ARID3A: variants seen among roughly 807,000 people sequenced by gnomAD.
ARID3A encodes the protein AT-rich interaction domain 3A.
ARID3A carries 11 observed loss-of-function variants against 52.7 expected under a neutral mutation model. The ratio of observed to expected loss-of-function variants is 0.21; its 90% CI spans 0.13 to 0.35. ARID3A has a LOEUF of 0.35. ARID3A is among the 10% of genes least tolerant of loss of function. The pLI is 1.00. For missense variants in ARID3A, 721 were observed against 838.5 expected, an observed-to-expected ratio of 0.86 and a Z score of 1.73; for synonymous variants, 404 against 359.4, an observed-to-expected ratio of 1.12 and a Z score of -1.40.
intron 3 of ARID3A, among the ~76,000 whole-genome samples, chr19:958,967 C>T (rs746961912): frequency 9.2e-5 from 14 of 152,206 alleles, no homozygotes; most frequent in Admixed American, 7.8e-4. Flanking sequence ...CTCATGCTCA[C>T]GTTGCCACTG....
intron 4 of ARID3A, among the ~76,000 whole-genome samples, chr19:961,322 G>C (rs936836732): frequency 5.3e-5 from 8 of 152,100 alleles, no homozygotes; most frequent in Non-Finnish European, 8.8e-5. Flanking sequence ...AGGGTTGTGG[G>C]CCCCCTGGCC....
intron 8 of ARID3A, among the ~76,000 whole-genome samples, chr19:969,410 G>A (rs778226556): frequency 7.3e-5 from 11 of 151,420 alleles, no homozygotes; most frequent in African/African-American, 2.2e-4. Context: ...GGTGGCAGGC[G>A]CCCATAGTCC....
rs995627264 is a variant in ARID3A, at chr19:966,694, G to A, written c.1321G>A (p.Ala441Thr). 1.9e-6 allele frequency: 3 copies of A among 1,611,272 alleles called. No homozygotes were observed. Among genetic ancestry groups the A allele is most frequent in the East Asian group, 4.5e-5 (2 of 44,812 alleles). Residue 441 changes from alanine (A) to threonine (T), a missense_variant, in exon 7 of 9, where the codon GCA becomes ACA. Ala to Thr is a moderately conservative substitution (Grantham distance 58). Transcript: ENST00000263620. ...QAAAAQAAVA[A>T]QAAALEQLRE... ...AGCAGCCGCCCAAGCAGCTGTGGCC[G>A]CACAGGCAGCTGCCCTGGAACAGCT...
chr19:951,906 C>T (rs1466660675), intron 3 of ARID3A, among the ~76,000 whole-genome samples: 1 of 151,464 alleles, frequency 6.6e-6, no homozygotes, highest in Non-Finnish European at 1.5e-5. Context: ...GAGGCAGAGG[C>T]GGGAGGATGG....
rs912566706 is a variant in ARID3A at position 941,747 on chromosome 19, G to A, written c.693+9005G>A. ...GATTACAGGCGTGAGCTGCTGTGCC[G>A]GACTGGTCTCTTGTGTTTTGTGTGG... On this transcript the variant is annotated intron_variant, in intron 3 of 8. Coordinates refer to ENST00000263620, the MANE Select transcript of ARID3A (RefSeq NM_005224.3). The surrounding 1 kb of genome is among the most constrained non-coding windows in gnomAD (Gnocchi z 6.9). Among the ~76,000 whole-genome samples, 11 of 151,848 alleles carry A rather than the reference G, an allele frequency of 7.2e-5. No individual in the cohort carries two copies. The highest frequency in any genetic ancestry group is 2.1e-4 in the South Asian group (1 of 4,814).
At position 966,624 on chromosome 19, in the gene ARID3A, G is replaced by C. The variant is rs764604118; in HGVS notation, c.1251G>C (p.Leu417=). 6.3e-7 allele frequency: 1 copy of C among 1,596,054 alleles called. No individual in the cohort carries two copies. Residue 417 remains leucine, a synonymous_variant, in exon 7 of 9, where the codon CTG becomes CTC. Transcript: ENST00000263620. The stretch of plus-strand genomic sequence containing the variant: ...TCCCTGGCCGCCTGCCTGTGTCCCT[G>C]GCGGGCCACCCTGTGGTGGCAGCCC... ...ITVPGRLPVS[L]AGHPVVAAQA...
Position 960,651 on chromosome 19 carries a change from T to C in ARID3A, c.766+487T>C, listed in dbSNP as rs536954215. Among the ~76,000 whole-genome samples, 1 of 152,206 alleles carries C rather than the reference T, an allele frequency of 6.6e-6. No individual in the cohort carries two copies. Among genetic ancestry groups the C allele is most frequent in the African/African-American group, 2.4e-5 (1 of 41,522 alleles). Reference sequence around the variant, plus strand: ...GGCGGCCAATGCGACATTTGAGTCCTGGCCCCTCCCCTCTTCCCACCAGGG... The same window carrying C: ...GGCGGCCAATGCGACATTTGAGTCCCGGCCCCTCCCCTCTTCCCACCAGGG... On this transcript the variant is annotated intron_variant, in intron 4 of 8. Coordinates refer to ENST00000263620, the MANE Select transcript of ARID3A (RefSeq NM_005224.3). The surrounding 1 kb of genome is among the most constrained non-coding windows in gnomAD (Gnocchi z 4.3).
In ARID3A at chr19:940,914, C is replaced by T. The variant is rs960019674; in HGVS notation, c.693+8172C>T. 1.9e-4 allele frequency among the ~76,000 whole-genome samples: 29 copies of T among 151,950 alleles called. 1 individual carries two copies. Among genetic ancestry groups the T allele is most frequent in the Non-Finnish European group, 7.4e-5 (5 of 67,928 alleles). On this transcript the variant is annotated intron_variant, in intron 3 of 8. Coordinates refer to ENST00000263620, the MANE Select transcript of ARID3A (RefSeq NM_005224.3). ...GCCGGGCCAGCTGGGCCCTGGCGGG[C>T]GAGGGGTGGGTGGGTGCCCGCCAGC...
At position 944,333 on chromosome 19, in the gene ARID3A, T is replaced by TGTGG; in HGVS notation, c.693+11594_693+11595insGGTG. On this transcript the variant is annotated intron_variant, in intron 3 of 8. Transcript: ENST00000263620. The surrounding 1 kb of genome is among the most constrained non-coding windows in gnomAD (Gnocchi z 5.9). The stretch of plus-strand genomic sequence containing the variant: ...CAGGGGCGCGTCCAGGGGGTGTGTG[T>TGTGG]GTGTGTGTGTGTGTGTCTGCGTGGG... Among the ~76,000 whole-genome samples, 1 of 151,656 alleles carries TGTGG rather than the reference T, an allele frequency of 6.6e-6. No homozygotes were observed. Among genetic ancestry groups the TGTGG allele is most frequent in the East Asian group, 1.9e-4 (1 of 5,152 alleles).
In ARID3A at chr19:961,504, G is replaced by C. The variant is rs1486089024; in HGVS notation, c.766+1340G>C. 2.0e-5 allele frequency among the ~76,000 whole-genome samples: 3 copies of C among 152,210 alleles called. No homozygotes were observed. The East Asian group carries it at 5.8e-4, about 29-fold the overall frequency. ...CCTCCCCATGACCCTTTATCATCCT[G>C]TTCGCACCTGCTCAGCCCTGACCAC... On this transcript the variant is annotated intron_variant, in intron 4 of 8. Transcript: ENST00000263620.
At chr19:931,359 G>A (rs1176739161) in intron 2 of ARID3A, among the ~76,000 whole-genome samples, 1 of 150,558 alleles carries the variant, frequency 6.6e-6, no homozygotes, top group African/African-American at 2.5e-5. Context: ...AGGCTGAGGA[G>A]GAGAATCGCT....
At position 975,682 on chromosome 19, in the gene ARID3A, G is replaced by A. The variant is rs536659740; in HGVS notation, c.*3617G>A. 271 of 207,342 alleles carry A rather than the reference G, an allele frequency of 1.3e-3. No homozygotes were observed. Among genetic ancestry groups the A allele is most frequent in the South Asian group, 6.1e-3 (32 of 5,264 alleles). The allele number at this position is 207,342 out of a possible 1,614,324, so 12.8% of individuals were successfully genotyped here. A position where few individuals can be genotyped will look rare whatever the true frequency, so the allele number is the denominator to read the frequency against. On this transcript the variant is annotated 3_prime_UTR_variant, in exon 9 of 9. Coordinates refer to ENST00000263620, the MANE Select transcript of ARID3A (RefSeq NM_005224.3). ...GCCCAGCCTGTCTCGCCCTGGCCGC[G>A]GCAGGGTGGCCTGTAACAATTTCAG...
intron 4 of ARID3A, among the ~76,000 whole-genome samples, chr19:963,061 T>C (rs950060578): frequency 1.3e-5 from 2 of 151,752 alleles, no homozygotes; most frequent in East Asian, 3.9e-4. Flanking sequence ...TGGCGGAGGG[T>C]GGTGGGAGGT....
intron 3 of ARID3A, among the ~76,000 whole-genome samples, chr19:937,647 C>G (rs950335936): frequency 2.0e-5 from 3 of 151,794 alleles, no homozygotes; most frequent in Non-Finnish European, 4.4e-5. Flanking sequence ...TTCCCACCAG[C>G]CACAGATGTG....
rs10411830 is a variant in ARID3A, at chr19:941,987, G to T, written c.693+9245G>T. Among the ~76,000 whole-genome samples the T allele has an allele frequency of 6.6e-6, 1 of 152,066 alleles. No homozygotes were observed. The highest frequency in any genetic ancestry group is 1.5e-5 in the Non-Finnish European group (1 of 68,006). On this transcript the variant is annotated intron_variant, in intron 3 of 8. Transcript: ENST00000263620. This position sits in a 1 kb window ranked among gnomAD's most constrained non-coding sequence, Gnocchi z 6.9. The stretch of plus-strand genomic sequence containing the variant: ...CCCTGAAGCATGAGGTCGCGGTGGG[G>T]CCTATTAACCATTAGACCCCCGGGG...
chr19:957,868 T>C (rs115838943), intron 3 of ARID3A, among the ~76,000 whole-genome samples: 1,525 of 147,818 alleles, frequency 0.01, 23 homozygotes, highest in African/African-American at 0.036. Flanking sequence ...AAAAAGACTT[T>C]GGGAGGCTGT....
At chr19:932,271 T>G in intron 2 of ARID3A, 147 bp from the exon 3 acceptor site, 1 of 1,436,076 alleles carries the variant, frequency 7.0e-7, no homozygotes, top group Non-Finnish European at 9.3e-7. Flanking sequence ...GCTGTGCTCA[T>G]GAGCGCTCTC....
At chr19:966,038 G>A (rs1291697621) in intron 6 of ARID3A, among the ~76,000 whole-genome samples, 2 of 150,728 alleles carry the variant, frequency 1.3e-5, no homozygotes, top group African/African-American at 4.9e-5. Flanking sequence ...GTGGGCGCCT[G>A]TAATCCCAGC....
chr19:955,281 C>A (rs529955985), intron 3 of ARID3A, among the ~76,000 whole-genome samples: 1 of 152,254 alleles, frequency 6.6e-6, no homozygotes, highest in East Asian at 1.9e-4. Context: ...GGAGCGGAAC[C>A]GGGGGCCAGA....
Sources: gnomAD v4.1 joint callset for allele counts (sites outside exome capture counted in the v4.1 genomes callset) on GRCh38, gnomAD v4.1.1 for gene constraint, Gnocchi (gnomAD v3.1) non-coding constraint, MANE v1.5 for transcripts, NCBI Gene and HGNC (gene_info 2026-07-23, HGNC 2026-07-21) for gene names.